The following FBXO38 variants were observed in gnomAD, a reference collection of about 807,000 sequenced individuals.
FBXO38 encodes the protein F-box protein 38, also known as F-box only protein 38.
Under a neutral mutation model 131.9 loss-of-function variants are expected in FBXO38, and 53 were observed. The ratio of observed to expected loss-of-function variants is 0.40; its 90% CI spans 0.32 to 0.51. FBXO38 has a LOEUF of 0.51. Among genes scored for constraint, FBXO38 ranks in the 20% least tolerant of loss-of-function variants. The pLI is 0.53. For synonymous variants in FBXO38, 452 were observed against 505.6 expected, an observed-to-expected ratio of 0.89 and a Z score of 1.42; for missense variants, 1,076 against 1,475.6, an observed-to-expected ratio of 0.73 and a Z score of 4.44.
At chr5:148,409,079 T>A (rs1561525020) in intron 7 of FBXO38, 45 bp from the exon 8 acceptor site, 1 of 1,101,064 alleles carries the variant, frequency 9.1e-7, no homozygotes. Context: ...AATACTTCAC[T>A]AAAAATGCTA....
intron 17 of FBXO38, 64 bp from the exon 18 acceptor site, chr5:148,438,268 C>T: frequency 1.3e-6 from 2 of 1,498,612 alleles, no homozygotes; most frequent in South Asian, 1.2e-5. Flanking sequence ...TTTGTGCCAA[C>T]AAAAATTAGG....
At chr5:148,439,890 C>A in intron 19 of FBXO38, 98 bp downstream of exon 19, 2 of 1,229,468 alleles carry the variant, frequency 1.6e-6, no homozygotes, top group Non-Finnish European at 2.3e-6. Context: ...TAAATGATTC[C>A]ATCTAAGCTT....
chr5:148,420,831 G>GT (rs1753375795), intron 12 of FBXO38, among the ~76,000 whole-genome samples: 1 of 151,928 alleles, frequency 6.6e-6, no homozygotes, highest in South Asian at 2.1e-4. Context: ...GCTGTTTTTT[G>GT]TTTTTTTAAA....
At chr5:148,414,404 A>T (rs1001899627) in intron 10 of FBXO38, 98 bp downstream of exon 10, 7 of 1,123,152 alleles carry the variant, frequency 6.2e-6, no homozygotes, top group Non-Finnish European at 8.7e-6. Flanking sequence ...TCCTAATGTA[A>T]AATGTAGGTA....
At chr5:148,423,506 A>G (rs1195547221) in intron 12 of FBXO38, among the ~76,000 whole-genome samples, 1 of 152,242 alleles carries the variant, frequency 6.6e-6, no homozygotes, top group East Asian at 1.9e-4. Flanking sequence ...GGCTTTTATC[A>G]TGAAAGGTTT....
At chr5:148,408,639 T>G (rs1427087324) in intron 7 of FBXO38, among the ~76,000 whole-genome samples, 1 of 152,260 alleles carries the variant, frequency 6.6e-6, no homozygotes, top group African/African-American at 2.4e-5. Context: ...TGTGATTTTA[T>G]TTATACAAAT....
rs1336885695 is a variant in FBXO38, at chr5:148,404,839, A to T, written c.730+17A>T. The T allele has an allele frequency of 1.3e-6, 2 of 1,577,854 alleles. No homozygotes were observed. The highest frequency in any genetic ancestry group is 2.7e-5 in the African/African-American group (2 of 72,866). On this transcript the variant is annotated intron_variant, in intron 6 of 21. Coordinates refer to ENST00000340253, the MANE Select transcript of FBXO38 (RefSeq NM_205836.3). ...ACTGTGCAGGTAATGGTACACAATTATGGTGGAATTAAACATAAGTTATTC... is the reference window on the plus strand; with the variant it reads ...ACTGTGCAGGTAATGGTACACAATTTTGGTGGAATTAAACATAAGTTATTC...
At chr5:148,395,552 T>TC (rs2113508880) in intron 2 of FBXO38, among the ~76,000 whole-genome samples, 1 of 152,254 alleles carries the variant, frequency 6.6e-6, no homozygotes, top group South Asian at 2.1e-4. Flanking sequence ...ATTTATATAA[T>TC]TCAAATAAGC....
At chr5:148,417,271 A>T in intron 12 of FBXO38, 67 bp downstream of exon 12, 1 of 1,143,452 alleles carries the variant, frequency 8.7e-7, no homozygotes, top group Non-Finnish European at 1.3e-6. Flanking sequence ...TTCTGGCTTT[A>T]TCCTGTTCCC....
intron 17 of FBXO38, 98 bp downstream of exon 17, chr5:148,433,835 T>G (rs1754185232): frequency 1.6e-6 from 1 of 623,492 alleles, no homozygotes; most frequent in African/African-American, 1.9e-5. Flanking sequence ...CTTATTTTCT[T>G]AAAGGAAATA....
At chr5:148,393,322 C>A (rs1758311893) in intron 1 of FBXO38, among the ~76,000 whole-genome samples, 1 of 151,768 alleles carries the variant, frequency 6.6e-6, no homozygotes, top group African/African-American at 2.4e-5. Context: ...CACACACACA[C>A]AGGCAGAAGA....
intron 3 of FBXO38, 74 bp downstream of exon 3, chr5:148,399,206 CTTG>C (rs891034912): frequency 1.5e-4 from 233 of 1,541,260 alleles, no homozygotes; most frequent in Non-Finnish European, 1.9e-4. Flanking sequence ...TAAAAAGTTA[CTTG>C]TTGTCTTGAG....
At chr5:148,441,810 C>T (rs1754699440) in intron 21 of FBXO38, among the ~76,000 whole-genome samples, 159 bp from the exon 22 acceptor site, 1 of 152,214 alleles carries the variant, frequency 6.6e-6, no homozygotes, top group Non-Finnish European at 1.5e-5. Flanking sequence ...AGGCATCAAA[C>T]ATAAGAACAA....
intron 9 of FBXO38, chr5:148,410,979 G>C (rs1323457022): frequency 2.1e-5 from 10 of 484,486 alleles, no homozygotes; most frequent in Non-Finnish European, 3.6e-5. Context: ...AGAAAATATA[G>C]TTACTAACAA....
intron 19 of FBXO38, 176 bp from the exon 20 acceptor site, chr5:148,440,248 C>A (rs1754599183): frequency 7.3e-6 from 4 of 547,728 alleles, no homozygotes; most frequent in Non-Finnish European, 1.3e-5. Context: ...TAGTTTTGAC[C>A]TGACTACACT....
chr5:148,412,269 C>T (rs961027938), intron 9 of FBXO38, among the ~76,000 whole-genome samples: 3 of 152,088 alleles, frequency 2.0e-5, no homozygotes, highest in Admixed American at 1.3e-4. Flanking sequence ...CCAAAGATGA[C>T]CTAGGATTCT....
chr5:148,425,132 C>T (rs1197837154), intron 13 of FBXO38, among the ~76,000 whole-genome samples: 1 of 152,144 alleles, frequency 6.6e-6, no homozygotes, highest in Non-Finnish European at 1.5e-5. Flanking sequence ...AGCCTTGGCT[C>T]ATATGTTTGA....
rs1383739086 is a variant in FBXO38 at position 148,425,675 on chromosome 5, A to C, written c.1892A>C (p.Glu631Ala). 2 of 1,614,016 alleles carry C rather than the reference A, an allele frequency of 1.2e-6. No homozygotes were observed. Among genetic ancestry groups the C allele is most frequent in the Admixed American group, 3.3e-5 (2 of 60,018 alleles). The change falls in exon 14 of 22, where the codon GAG (glutamate) becomes GCG (alanine). Residue 631 changes from glutamate (E) to alanine (A), a missense_variant. Physicochemically the swap from Glu to Ala is moderately radical, Grantham distance 107. Around this residue, in one of 8 missense-constraint regions of FBXO38, gnomAD observed 212 missense variants for 221.2 expected, o/e 0.96. Transcript: ENST00000340253. ...RYSEREEKTGESVQSRELSVS... is the reference protein window; with the variant it reads ...RYSEREEKTGASVQSRELSVS... ...TCTGAACGTGAAGAAAAAACTGGAG[A>C]GTCAGTGCAGTCCAGAGAATTGTCA...
chr5:148,433,403 CTT>C lies in FBXO38; in HGVS notation c.2654-13_2654-12del. The C allele has an allele frequency of 1.9e-6, 3 of 1,551,598 alleles. No individual in the cohort carries two copies. The highest frequency in any genetic ancestry group is 2.6e-6 in the Non-Finnish European group (3 of 1,132,682). On this transcript the variant is annotated intron_variant, in intron 15 of 21. Coordinates refer to ENST00000340253, the MANE Select transcript of FBXO38 (RefSeq NM_205836.3). ...AAAGCAAGGCTAAAATTTGGATTTT[CTT>C]TTTTTTTGCCTTTTTTAGAAGTAGC...
Sources: allele counts gnomAD v4.1 joint callset (sites outside exome capture counted in the v4.1 genomes callset), GRCh38; gene constraint gnomAD v4.1.1; regional missense constraint gnomAD v4.1.1; transcripts MANE v1.5; gene names NCBI Gene and HGNC (gene_info 2026-07-23, HGNC 2026-07-21).